Variants in MAGI2 observed in about 807,000 individuals in gnomAD.
MAGI2 encodes membrane-associated guanylate kinase, WW and PDZ domain-containing protein 2.
A neutral mutation model predicts 133.3 loss-of-function variants in MAGI2; 35 were observed. The observed-to-expected ratio is 0.26, with a 90% CI of 0.20 to 0.35. The LOEUF (loss-of-function observed/expected upper bound fraction) is 0.35. MAGI2 is among the 10% of genes least tolerant of loss of function. The probability of loss-of-function intolerance (pLI) is 1.00; values close to 1 mark genes in which losing one functional copy is unlikely to be tolerated. For synonymous variants in MAGI2, 729 were observed against 710.6 expected, an observed-to-expected ratio of 1.03 and a Z score of -0.41; for missense variants, 1,636 against 1,863.4, an observed-to-expected ratio of 0.88 and a Z score of 2.25.
rs1833558332 is a variant in MAGI2 at position 79,254,616 on chromosome 7, C to A, written c.301+198404G>T. On this transcript the variant is annotated intron_variant, in intron 1 of 21. Transcript: ENST00000354212. ...AGACAATATTTTGTCCAGCCTATCC[C>A]AGTGAACAAAAATGCCACCTTAATC... Among the ~76,000 whole-genome samples, 5 of 152,152 alleles carry A rather than the reference C, an allele frequency of 3.3e-5. No individual in the cohort carries two copies. The South Asian group carries it at 1.0e-3, about 32-fold the overall frequency.
intron 1 of MAGI2, among the ~76,000 whole-genome samples, chr7:79,133,006 T>C (rs1046825677): frequency 6.6e-6 from 1 of 152,148 alleles, no homozygotes; most frequent in Non-Finnish European, 1.5e-5. Context: ...TATTTGTTTT[T>C]TCTTGATGAT....
chr7:79,109,584 T>C (rs1365764721), intron 1 of MAGI2, among the ~76,000 whole-genome samples: 2 of 152,204 alleles, frequency 1.3e-5, no homozygotes, highest in Non-Finnish European at 2.9e-5. Context: ...AATTTATATT[T>C]AAACAGGAAG....
intron 21 of MAGI2, among the ~76,000 whole-genome samples, chr7:78,077,725 G>GTTTTTTTT (rs538030969): frequency 0.02 from 2,021 of 101,166 alleles, 161 homozygotes; most frequent in East Asian, 0.026. Context: ...TCTTTAGAAT[G>GTTTTTTTT]TTTTTTTTTT....
At chr7:78,412,061 G>T (rs1412800346) in intron 6 of MAGI2, among the ~76,000 whole-genome samples, 8 of 152,010 alleles carry the variant, frequency 5.3e-5, no homozygotes, top group African/African-American at 1.9e-4. Flanking sequence ...TTAAGGCATT[G>T]TAAGAGAATA....
chr7:78,654,699 A>G (rs1477888215), intron 2 of MAGI2, among the ~76,000 whole-genome samples: 2 of 54,118 alleles, frequency 3.7e-5, no homozygotes, highest in Non-Finnish European at 7.1e-5. Flanking sequence ...ACTTTTACAT[A>G]TATGTATATA....
At chr7:78,756,398 C>T (rs1563460735) in intron 2 of MAGI2, among the ~76,000 whole-genome samples, 3 of 152,084 alleles carry the variant, frequency 2.0e-5, no homozygotes, top group Non-Finnish European at 4.4e-5. Context: ...ACTGTTTATT[C>T]TGTCATTTAT....
chr7:79,113,352 T>C (rs1012741447), intron 1 of MAGI2, among the ~76,000 whole-genome samples: 1 of 152,226 alleles, frequency 6.6e-6, no homozygotes, highest in African/African-American at 2.4e-5. Context: ...ATTTCACTTC[T>C]AGCACTATTA....
intron 2 of MAGI2, among the ~76,000 whole-genome samples, chr7:78,812,157 G>A (rs1356797392): frequency 6.6e-6 from 1 of 152,148 alleles, no homozygotes; most frequent in East Asian, 1.9e-4. Context: ...ATGCTGTCCT[G>A]ATGACAACTT....
chr7:79,200,168 T>C (rs1014481226), intron 1 of MAGI2, among the ~76,000 whole-genome samples: 8 of 151,960 alleles, frequency 5.3e-5, no homozygotes, highest in African/African-American at 1.9e-4. Context: ...CAGCTCTACT[T>C]TGAGTTAATC....
intron 16 of MAGI2, among the ~76,000 whole-genome samples, chr7:78,151,456 G>A (rs1472036097): frequency 6.6e-6 from 1 of 152,178 alleles, no homozygotes; most frequent in Non-Finnish European, 1.5e-5. Context: ...TTCCAGGAGA[G>A]GTGAATCAGG....
At chr7:79,398,750 G>C (rs562835421) in intron 1 of MAGI2, among the ~76,000 whole-genome samples, 1 of 152,104 alleles carries the variant, frequency 6.6e-6, no homozygotes, top group Non-Finnish European at 1.5e-5. Context: ...CATTTAAACT[G>C]TCAATCTAAA....
At chr7:78,745,162 A>G (rs1490750538) in intron 2 of MAGI2, among the ~76,000 whole-genome samples, 1 of 152,200 alleles carries the variant, frequency 6.6e-6, no homozygotes, top group African/African-American at 2.4e-5. Context: ...TTTTCTTCTC[A>G]TGCATACTTC....
At position 79,292,770 on chromosome 7, in the gene MAGI2, C is replaced by CAAA. The variant is rs199933554; in HGVS notation, c.301+160247_301+160249dup. On this transcript the variant is annotated intron_variant, in intron 1 of 21. Coordinates refer to ENST00000354212, the MANE Select transcript of MAGI2 (RefSeq NM_012301.4). ...TTTTGGACCACTTTGTCAATTTCTG[C>CAAA]AAAAAAAAAAAAAAAAAAAAAAAAA... Among the ~76,000 whole-genome samples the CAAA allele has an allele frequency of 2.7e-3, 156 of 57,376 alleles. 29 individuals carry two copies. The highest frequency in any genetic ancestry group is 0.01 in the African/African-American group (147 of 14,506). The allele number at this position is 57,376 out of a possible 152,430, so 37.6% of individuals were successfully genotyped here. A position where few individuals can be genotyped will look rare whatever the true frequency, so the allele number is the denominator to read the frequency against.
At chr7:79,110,100 G>A (rs1818796830) in intron 1 of MAGI2, among the ~76,000 whole-genome samples, 1 of 151,426 alleles carries the variant, frequency 6.6e-6, no homozygotes, top group Non-Finnish European at 1.5e-5. Context: ...TAAGTCTGTA[G>A]GAGAGCAAGA....
rs115554906 is a variant in MAGI2, at chr7:78,851,320, C to T, written c.418+155770G>A. ...CTAAATGTCAAGGGCTTTAAGAGTA[C>T]GGCAATATTAATTTACAGCACATGC... is the stretch of plus-strand genomic sequence containing the variant. On this transcript the variant is annotated intron_variant, in intron 2 of 21. Coordinates refer to ENST00000354212, the MANE Select transcript of MAGI2 (RefSeq NM_012301.4). Among the ~76,000 whole-genome samples, 359 of 152,098 alleles carry T rather than the reference C, an allele frequency of 2.4e-3. 3 individuals carry two copies. The highest frequency in any genetic ancestry group is 7.7e-3 in the African/African-American group (319 of 41,498).
rs143860557 is a variant in MAGI2 at position 78,429,472 on chromosome 7, C to T, written c.1046-60259G>A. ...AACTCCCGTGGAAAAAAATGGATTT[C>T]GTTCTTTGTTTCATTTTTTCCTATG... On this transcript the variant is annotated intron_variant, in intron 6 of 21. Transcript: ENST00000354212. 3.3e-5 allele frequency among the ~76,000 whole-genome samples: 5 copies of T among 152,036 alleles called. No homozygotes were observed. In the East Asian group the frequency reaches 7.8e-4, roughly 24 times the overall value.
chr7:78,372,912 T>C (rs933395707), intron 6 of MAGI2, among the ~76,000 whole-genome samples: 1 of 152,138 alleles, frequency 6.6e-6, no homozygotes, highest in African/African-American at 2.4e-5. Context: ...TAAGAAGATA[T>C]CCACATTCTG....
intron 1 of MAGI2, among the ~76,000 whole-genome samples, chr7:79,381,467 C>T (rs1843775168): frequency 6.6e-6 from 1 of 151,704 alleles, no homozygotes; most frequent in Non-Finnish European, 1.5e-5. Flanking sequence ...CTAGTTCTTT[C>T]ATCCTTAAAT....
intron 2 of MAGI2, among the ~76,000 whole-genome samples, chr7:78,806,129 A>G (rs1035884194): frequency 6.6e-6 from 1 of 152,214 alleles, no homozygotes; most frequent in Admixed American, 6.5e-5. Context: ...TTGACTTTAT[A>G]TAAGCAGTAT....
Sources: gnomAD v4.1 joint callset for allele counts (sites outside exome capture counted in the v4.1 genomes callset) on GRCh38, gnomAD v4.1.1 for gene constraint, MANE v1.5 for transcripts, NCBI Gene and HGNC (gene_info 2026-07-23, HGNC 2026-07-21) for gene names.